The following PGM5 variants were observed in gnomAD, a reference collection of about 807,000 sequenced individuals.
PGM5 encodes the protein phosphoglucomutase 5.
PGM5 carries 23 observed loss-of-function variants against 59.2 expected under a neutral mutation model. The observed-to-expected ratio is 0.39, with a 90% CI of 0.28 to 0.55. The LOEUF (loss-of-function observed/expected upper bound fraction) is 0.55, where lower values mean the gene tolerates loss of function less well. Among genes scored for constraint, PGM5 ranks in the 20% least tolerant of loss-of-function variants. The pLI is 0.66. For missense variants in PGM5, 574 were observed against 748.3 expected, an observed-to-expected ratio of 0.77 and a Z score of 2.72; for synonymous variants, 214 against 286.0, an observed-to-expected ratio of 0.75 and a Z score of 2.54.
At chr9:68,526,646 A>G (rs567529748) in intron 10 of PGM5, among the ~76,000 whole-genome samples, 10 of 152,202 alleles carry the variant, frequency 6.6e-5, no homozygotes, top group Non-Finnish European at 1.3e-4. Flanking sequence ...CATCATCTAT[A>G]ATATCTGTCT....
intron 6 of PGM5, among the ~76,000 whole-genome samples, chr9:68,415,883 T>A (rs1432895663): frequency 2.0e-5 from 3 of 150,046 alleles, no homozygotes; most frequent in African/African-American, 7.3e-5. Context: ...CATAGGTACA[T>A]TTTGTTGAAT....
At chr9:68,484,541 AAC>A (rs72293391) in intron 9 of PGM5, among the ~76,000 whole-genome samples, 92,481 of 132,112 alleles carry the variant, frequency 0.7, 32,862 homozygotes, top group East Asian at 0.83. Flanking sequence ...CCATGTCTCA[AAC>A]ACACACACAC....
intron 6 of PGM5, among the ~76,000 whole-genome samples, chr9:68,409,417 C>T (rs1449547939): frequency 7.3e-6 from 1 of 137,210 alleles, no homozygotes; most frequent in Admixed American, 7.6e-5. Flanking sequence ...TATAAAGACA[C>T]ATGCACACGT....
intron 10 of PGM5, among the ~76,000 whole-genome samples, chr9:68,506,897 G>T (rs1824666442): frequency 1.3e-5 from 2 of 152,098 alleles, no homozygotes; most frequent in Non-Finnish European, 2.9e-5. Flanking sequence ...CCTCGGTCCT[G>T]GTTTTGGGTC....
At chr9:68,502,467 T>C (rs1367881811) in intron 10 of PGM5, among the ~76,000 whole-genome samples, 1 of 151,808 alleles carries the variant, frequency 6.6e-6, no homozygotes, top group Non-Finnish European at 1.5e-5. Flanking sequence ...GTGGGTGGAG[T>C]AGTTAAGGAA....
intron 1 of PGM5, among the ~76,000 whole-genome samples, chr9:68,376,462 C>T (rs1821885474): frequency 6.8e-6 from 1 of 147,192 alleles, no homozygotes; most frequent in Non-Finnish European, 1.5e-5. Context: ...CCCAAGGCCA[C>T]TTTGCTTTTG....
At chr9:68,369,564 C>T (rs573001378) in intron 1 of PGM5, among the ~76,000 whole-genome samples, 2 of 152,300 alleles carry the variant, frequency 1.3e-5, no homozygotes, top group South Asian at 4.1e-4. Context: ...CCAATTTTCA[C>T]CACCTCCATT....
At chr9:68,454,427 T>C (rs1312395380) in intron 6 of PGM5, among the ~76,000 whole-genome samples, 1 of 152,160 alleles carries the variant, frequency 6.6e-6, no homozygotes, top group Non-Finnish European at 1.5e-5. Flanking sequence ...CCTACCTAAG[T>C]GAACGATGTG....
At chr9:68,383,110 A>G (rs1822119133) in intron 2 of PGM5, among the ~76,000 whole-genome samples, 1 of 151,904 alleles carries the variant, frequency 6.6e-6, no homozygotes, top group Non-Finnish European at 1.5e-5. Context: ...CCACACAACA[A>G]GAAAATTGTT....
At chr9:68,396,708 T>C (rs1447025562) in intron 6 of PGM5, 1 of 151,904 alleles carries the variant, frequency 6.6e-6, no homozygotes, top group Non-Finnish European at 1.5e-5. Flanking sequence ...CCCAGGTGGA[T>C]TCTCATGATG....
intron 1 of PGM5, chr9:68,357,671 G>C (rs1300118400): frequency 8.0e-6 from 4 of 497,202 alleles, no homozygotes; most frequent in Non-Finnish European, 1.4e-5. Context: ...ACTCTTCTCC[G>C]ACTCTGCGCA....
intron 7 of PGM5, among the ~76,000 whole-genome samples, chr9:68,476,367 C>G (rs1228025081): frequency 6.6e-6 from 1 of 152,094 alleles, no homozygotes; most frequent in Non-Finnish European, 1.5e-5. Context: ...CCTATGAAAA[C>G]ATTAAAAAAA....
rs117850904 is a variant in PGM5, at chr9:68,419,222, A to G, written c.1043+26749A>G. Among the ~76,000 whole-genome samples the G allele has an allele frequency of 4.5e-3, 679 of 151,370 alleles. 6 individuals are homozygous for G. The highest frequency in any genetic ancestry group is 0.017 in the Middle Eastern group (5 of 292). On this transcript the variant is annotated intron_variant, in intron 6 of 10. Coordinates refer to ENST00000396396, the MANE Select transcript of PGM5 (RefSeq NM_021965.4). ...GATGTGTAGATTTTGTTGTCTAAGA[A>G]AGAAGATGAATAGAAGATAATATGT...
At chr9:68,404,427 C>T (rs1822750781) in intron 6 of PGM5, among the ~76,000 whole-genome samples, 1 of 152,144 alleles carries the variant, frequency 6.6e-6, no homozygotes, top group African/African-American at 2.4e-5. Flanking sequence ...CTGCGCCCAG[C>T]CTAAGTTTTA....
intron 4 of PGM5, among the ~76,000 whole-genome samples, chr9:68,389,015 T>A (rs1822299598): frequency 6.6e-6 from 1 of 152,056 alleles, no homozygotes; most frequent in Non-Finnish European, 1.5e-5. Flanking sequence ...TTTTTACTAC[T>A]GAATTGATCC....
chr9:68,471,001 C>T (rs1824010854), intron 7 of PGM5, among the ~76,000 whole-genome samples: 2 of 152,220 alleles, frequency 1.3e-5, no homozygotes, highest in African/African-American at 2.4e-5. Context: ...ACAGAACTCT[C>T]ACTTAGCATT....
At chr9:68,417,863 C>T (rs1260432712) in intron 6 of PGM5, among the ~76,000 whole-genome samples, 1 of 152,144 alleles carries the variant, frequency 6.6e-6, no homozygotes, top group African/African-American at 2.4e-5. Context: ...TGTCTCTCCC[C>T]TGTCTCTGGT....
intron 10 of PGM5, among the ~76,000 whole-genome samples, chr9:68,524,951 TC>T (rs1333549423): frequency 6.6e-6 from 1 of 152,148 alleles, no homozygotes; most frequent in Non-Finnish European, 1.5e-5. Context: ...ATGACACCAA[TC>T]CACATTCCTC....
intron 1 of PGM5, among the ~76,000 whole-genome samples, chr9:68,367,925 T>G (rs1364530751): frequency 7.2e-5 from 11 of 151,812 alleles, no homozygotes; most frequent in Non-Finnish European, 1.3e-4. Flanking sequence ...TATATGTATA[T>G]TCACCTATAT....
Sources: gnomAD v4.1 joint callset for allele counts (sites outside exome capture counted in the v4.1 genomes callset) on GRCh38, gnomAD v4.1.1 for gene constraint, MANE v1.5 for transcripts, NCBI Gene and HGNC (gene_info 2026-07-23, HGNC 2026-07-21) for gene names.